The following KCNN1 variants were observed in gnomAD, a reference collection of about 807,000 sequenced individuals.
The protein encoded by KCNN1 is small conductance calcium-activated potassium channel protein 1.
Under a neutral mutation model 44.7 loss-of-function variants are expected in KCNN1, and 20 were observed. The observed-to-expected ratio is 0.45, with a 90% CI of 0.32 to 0.65. The LOEUF is 0.65. Ranked by LOEUF, KCNN1 falls within the 30% of genes least tolerant of loss-of-function variation. The pLI is 0.05. For synonymous variants in KCNN1, 324 were observed against 341.7 expected, an observed-to-expected ratio of 0.95 and a Z score of 0.57; for missense variants, 632 against 785.3, an observed-to-expected ratio of 0.80 and a Z score of 2.33.
chr19:17,958,995 C>T (rs1355398999), intron 2 of KCNN1, among the ~76,000 whole-genome samples: 1 of 145,034 alleles, frequency 6.9e-6, no homozygotes, highest in Admixed American at 7.0e-5. Context: ...CCACCACGTC[C>T]AGCCCTATTT....
At chr19:17,981,068 T>G (rs909029714) in intron 3 of KCNN1, among the ~76,000 whole-genome samples, 2 of 150,500 alleles carry the variant, frequency 1.3e-5, no homozygotes, top group African/African-American at 4.9e-5. Flanking sequence ...AATACAAAAA[T>G]TAGCCAGGCA....
At chr19:17,971,653 G>A (rs998829096) in intron 1 of KCNN1, among the ~76,000 whole-genome samples, 1 of 151,060 alleles carries the variant, frequency 6.6e-6, no homozygotes, top group Admixed American at 6.6e-5. Context: ...TAGTAGAGAC[G>A]GGGTTTCACC....
At chr19:17,979,749 G>A (rs889487579) in intron 3 of KCNN1, among the ~76,000 whole-genome samples, 1 of 152,114 alleles carries the variant, frequency 6.6e-6, no homozygotes, top group Non-Finnish European at 1.5e-5. Context: ...ATGTGCGAGC[G>A]GAGGAGGCCC....
Position 17,974,614 on chromosome 19 carries a change from C to T in KCNN1, c.402+324C>T, listed in dbSNP as rs1204690151. Among the ~76,000 whole-genome samples the T allele has an allele frequency of 2.0e-5, 3 of 152,192 alleles. No homozygotes were observed. Among genetic ancestry groups the T allele is most frequent in the Admixed American group, 6.5e-5 (1 of 15,280 alleles). On this transcript the variant is annotated intron_variant, in intron 2 of 9. Transcript: ENST00000684775. The surrounding 1 kb of genome is among the most constrained non-coding windows in gnomAD (Gnocchi z 7.3). ...GGGGAGCAACAGAAGATCTTCCTCC[C>T]CTTCCGAGAGTGAGTGCGTCCAGGT...
intron 4 of KCNN1, among the ~76,000 whole-genome samples, chr19:17,984,694 C>T (rs2032535208): frequency 6.6e-6 from 1 of 152,166 alleles, no homozygotes. Flanking sequence ...GTGACCAGGA[C>T]TAAGTTCTGT....
chr19:17,974,864 C>T lies in KCNN1; in HGVS notation c.403-228C>T, dbSNP rs570820926. 8.5e-5 allele frequency among the ~76,000 whole-genome samples: 13 copies of T among 152,194 alleles called. No homozygotes were observed. The highest frequency in any genetic ancestry group is 1.9e-4 in the African/African-American group (8 of 41,428). On this transcript the variant is annotated intron_variant, in intron 2 of 9. Coordinates refer to ENST00000684775, the MANE Select transcript of KCNN1 (RefSeq NM_001386974.1). This position sits in a 1 kb window ranked among gnomAD's most constrained non-coding sequence, Gnocchi z 7.3. ...CCCAGGAATAAGGACAGGAGAGCAC[C>T]GCTTCCTGAATACAGCACATGCTGC...
intron 1 of KCNN1, among the ~76,000 whole-genome samples, chr19:17,954,253 TC>T (rs759361358): frequency 2.0e-5 from 3 of 152,110 alleles, no homozygotes; most frequent in Non-Finnish European, 2.9e-5. Flanking sequence ...GGCCAGGAGT[TC>T]AAGTCCAGCC....
chr19:17,984,135 C>T (rs1342141091), intron 4 of KCNN1, among the ~76,000 whole-genome samples: 2 of 151,620 alleles, frequency 1.3e-5, no homozygotes, highest in African/African-American at 4.8e-5. Flanking sequence ...TACACTCCAG[C>T]CTGGGCAACA....
chr19:17,978,788 C>T (rs956420849), intron 3 of KCNN1, among the ~76,000 whole-genome samples: 6 of 150,906 alleles, frequency 4.0e-5, no homozygotes. Context: ...GACACAGTGA[C>T]TCACGCCTGT....
Position 17,998,692 on chromosome 19 carries a change from A to C in KCNN1, c.*286A>C. The C allele has an allele frequency of 2.8e-6, 1 of 354,356 alleles. No homozygotes were observed. The highest frequency in any genetic ancestry group is 2.1e-5 in the African/African-American group (1 of 47,272). 22.0% of individuals were successfully genotyped at this position (354,356 alleles called of 1,614,324 possible). ...GAGGGGTCCGTGCTGGTTCTGAATA[A>C]AGCAGGACCCGCCTAGTGGCTGCCT... is the stretch of plus-strand genomic sequence containing the variant. On this transcript the variant is annotated 3_prime_UTR_variant, in exon 10 of 10. Coordinates refer to ENST00000684775, the MANE Select transcript of KCNN1 (RefSeq NM_001386974.1). The surrounding 1 kb of genome is among the most constrained non-coding windows in gnomAD (Gnocchi z 5.4).
At chr19:17,965,861 A>T (rs1599348009), upstream of KCNN1, among the ~76,000 whole-genome samples, 1 of 152,088 alleles carries the variant, frequency 6.6e-6, no homozygotes, top group African/African-American at 2.4e-5. Context: ...TGTGCAGAGC[A>T]GTCTGGACAG....
upstream of KCNN1, among the ~76,000 whole-genome samples, chr19:17,964,309 G>A (rs753462361): frequency 3.3e-5 from 5 of 152,106 alleles, no homozygotes; most frequent in African/African-American, 4.8e-5. The surrounding 1 kb of genome is among the most constrained non-coding windows in gnomAD (Gnocchi z 4.3). Context: ...GGAGATGCTC[G>A]TGTGGCCAGG....
intron 4 of KCNN1, among the ~76,000 whole-genome samples, chr19:17,985,071 A>C (rs2145954216): frequency 6.6e-6 from 1 of 152,160 alleles, no homozygotes; most frequent in African/African-American, 2.4e-5. Flanking sequence ...ATGTTCATAC[A>C]ACCTCACCTG....
At chr19:17,965,769 C>A (rs1030293252), upstream of KCNN1, among the ~76,000 whole-genome samples, 1 of 152,258 alleles carries the variant, frequency 6.6e-6, no homozygotes, top group East Asian at 1.9e-4. Flanking sequence ...CCGCCTGGTA[C>A]CTCTGTGGAT....
chr19:17,960,176 G>C (rs751347628), intron 2 of KCNN1, among the ~76,000 whole-genome samples: 1 of 152,056 alleles, frequency 6.6e-6, no homozygotes, highest in Non-Finnish European at 1.5e-5. Flanking sequence ...AGCATTCATG[G>C]AGCACTAGTG....
intron 3 of KCNN1, among the ~76,000 whole-genome samples, chr19:17,981,121 G>A (rs1020576893): frequency 6.6e-6 from 1 of 151,974 alleles, no homozygotes; most frequent in Non-Finnish European, 1.5e-5. Context: ...GGAGGCTGAG[G>A]CAGGAGAATT....
intron 9 of KCNN1, among the ~76,000 whole-genome samples, chr19:17,997,759 C>T (rs142319812): frequency 0.013 from 2,006 of 152,184 alleles, 26 homozygotes; most frequent in Non-Finnish European, 0.021. Context: ...GGATTACAGG[C>T]GTGAGCCACC....
intron 1 of KCNN1, among the ~76,000 whole-genome samples, chr19:17,952,901 G>C (rs2031450602): frequency 6.6e-6 from 1 of 152,088 alleles, no homozygotes; most frequent in Admixed American, 6.5e-5. Flanking sequence ...GTTACCACTC[G>C]CCCAAGGTCA....
chr19:17,986,465 C>T (rs2032600637), intron 5 of KCNN1, among the ~76,000 whole-genome samples: 1 of 152,028 alleles, frequency 6.6e-6, no homozygotes, highest in South Asian at 2.1e-4. Flanking sequence ...TTTTTCGTGA[C>T]AGTGGGCGCA....
Sources: allele counts gnomAD v4.1 joint callset (sites outside exome capture counted in the v4.1 genomes callset), GRCh38; gene constraint gnomAD v4.1.1; non-coding constraint Gnocchi (gnomAD v3.1); transcripts MANE v1.5; gene names NCBI Gene and HGNC (gene_info 2026-07-23, HGNC 2026-07-21).